TRDN: variants seen among roughly 807,000 people sequenced by gnomAD.
TRDN encodes the protein triadin.
TRDN carries 161 observed loss-of-function variants against 149.7 expected under a neutral mutation model. That is an observed-to-expected ratio of 1.08 (90% CI 0.95 to 1.23). TRDN has a LOEUF of 1.23. Ranked by LOEUF, TRDN falls within the 50% of genes most tolerant of loss-of-function variation. The pLI, the probability that TRDN is intolerant of heterozygous loss-of-function variation, is 0.00. For missense variants in TRDN, 896 were observed against 823.5 expected (o/e 1.09, Z -1.08); for synonymous variants, 294 against 250.5 (o/e 1.17, Z -1.64).
intron 20 of TRDN, among the ~76,000 whole-genome samples, chr6:123,362,079 T>C (rs1780929835): frequency 6.6e-6 from 1 of 152,184 alleles, no homozygotes. Context: ...ATTAAGAATA[T>C]TAACAATATT....
intron 20 of TRDN, among the ~76,000 whole-genome samples, chr6:123,358,634 T>TTTTTGTTTTG (rs1469728921): frequency 4.1e-5 from 1 of 24,172 alleles, no homozygotes; most frequent in Non-Finnish European, 7.6e-5. Context: ...CTGGCTAATT[T>TTTTTGTTTTG]TTTTGTATTG....
In TRDN at chr6:123,591,232, T is replaced by C. The variant is rs565495138; in HGVS notation, c.23-20100A>G. ...TGTATTAACATATCATTATATTTGT[T>C]TTACCTGAACCCAAATATTTTTTTT... On this transcript the variant is annotated intron_variant, in intron 1 of 40. Transcript: ENST00000334268. Among the ~76,000 whole-genome samples the C allele has an allele frequency of 4.7e-4, 72 of 152,160 alleles. 1 individual carries two copies. Among genetic ancestry groups the C allele is most frequent in the Non-Finnish European group, 9.3e-4 (63 of 68,040 alleles).
At chr6:123,555,625 T>G (rs1454178193) in intron 2 of TRDN, among the ~76,000 whole-genome samples, 1 of 152,204 alleles carries the variant, frequency 6.6e-6, no homozygotes, top group Non-Finnish European at 1.5e-5. Context: ...ACTTTTGTTG[T>G]AACCAAAATA....
At chr6:123,408,285 A>G (rs896278312) in intron 12 of TRDN, among the ~76,000 whole-genome samples, 1 of 152,212 alleles carries the variant, frequency 6.6e-6, no homozygotes, top group African/African-American at 2.4e-5. Flanking sequence ...ATCTCACTAT[A>G]CATGGTACTA....
At chr6:123,232,884 G>A (rs376923389) in intron 38 of TRDN, among the ~76,000 whole-genome samples, 2 of 151,802 alleles carry the variant, frequency 1.3e-5, no homozygotes, top group Non-Finnish European at 2.9e-5. Flanking sequence ...ATAAATCAAA[G>A]CCCCCTAAAT....
At chr6:123,328,528 C>T (rs2114721478) in intron 23 of TRDN, among the ~76,000 whole-genome samples, 1 of 152,106 alleles carries the variant, frequency 6.6e-6, no homozygotes, top group South Asian at 2.1e-4. Context: ...TGATTCCTTC[C>T]TCTCGCACCA....
chr6:123,582,143 G>C (rs1227607907), intron 1 of TRDN, among the ~76,000 whole-genome samples: 2 of 152,130 alleles, frequency 1.3e-5, no homozygotes, highest in East Asian at 3.9e-4. Flanking sequence ...CCTATACATT[G>C]GTTCAGTTCA....
chr6:123,372,295 T>A (rs1370643294), intron 19 of TRDN, among the ~76,000 whole-genome samples: 5 of 152,098 alleles, frequency 3.3e-5, no homozygotes. Context: ...TCCTAAATGA[T>A]CTTGACATAT....
chr6:123,472,607 G>A (rs1777234671), intron 9 of TRDN, among the ~76,000 whole-genome samples: 1 of 152,244 alleles, frequency 6.6e-6, no homozygotes, highest in African/African-American at 2.4e-5. Flanking sequence ...GACTGCCTCT[G>A]TAGGCTCCAC....
intron 10 of TRDN, among the ~76,000 whole-genome samples, chr6:123,454,114 C>A (rs1775959014): frequency 6.6e-6 from 1 of 151,768 alleles, no homozygotes; most frequent in Non-Finnish European, 1.5e-5. Context: ...ATACAATGAA[C>A]TTTGCGGACT....
intron 5 of TRDN, among the ~76,000 whole-genome samples, chr6:123,523,858 G>A (rs1030366312): frequency 6.6e-6 from 1 of 152,120 alleles, no homozygotes; most frequent in Non-Finnish European, 1.5e-5. Flanking sequence ...GGAGACTGTC[G>A]TAAACAGAGG....
At chr6:123,320,027 A>G (rs1441895822) in intron 23 of TRDN, among the ~76,000 whole-genome samples, 15 of 152,098 alleles carry the variant, frequency 9.9e-5, no homozygotes, top group Admixed American at 9.9e-4. Context: ...ATAAAAAGAA[A>G]AGAAATAAAT....
chr6:123,388,151 G>T (rs1275038225), intron 14 of TRDN, among the ~76,000 whole-genome samples: 1 of 151,816 alleles, frequency 6.6e-6, no homozygotes, highest in African/African-American at 2.4e-5. Flanking sequence ...CTGTGAAATT[G>T]AAACTTGACT....
At chr6:123,339,217 C>G (rs1355236588) in intron 21 of TRDN, among the ~76,000 whole-genome samples, 1 of 151,986 alleles carries the variant, frequency 6.6e-6, no homozygotes, top group Non-Finnish European at 1.5e-5. Context: ...ACTAGCCAGG[C>G]TGGTCTCGAA....
At chr6:123,301,307 G>A (rs1050062718) in intron 24 of TRDN, among the ~76,000 whole-genome samples, 1 of 151,916 alleles carries the variant, frequency 6.6e-6, no homozygotes, top group Non-Finnish European at 1.5e-5. Flanking sequence ...AGGTTAAATT[G>A]AAGTAAAAGA....
At chr6:123,342,488 C>T (rs779233418) in intron 21 of TRDN, among the ~76,000 whole-genome samples, 6 of 151,758 alleles carry the variant, frequency 4.0e-5, no homozygotes, top group Non-Finnish European at 7.4e-5. Flanking sequence ...GGGCAGGGCT[C>T]AAGGAAATTC....
chr6:123,560,031 T>G (rs905469309), intron 2 of TRDN, among the ~76,000 whole-genome samples: 4 of 152,214 alleles, frequency 2.6e-5, no homozygotes, highest in Non-Finnish European at 5.9e-5. Flanking sequence ...CTAGTCAGAA[T>G]TCTTACACAA....
intron 26 of TRDN, among the ~76,000 whole-genome samples, chr6:123,275,998 G>T (rs575939368): frequency 6.6e-6 from 1 of 152,226 alleles, no homozygotes; most frequent in East Asian, 1.9e-4. Flanking sequence ...GTGTCCTTCA[G>T]AGAGAAGGAA....
At chr6:123,498,648 A>G (rs550831557) in intron 8 of TRDN, 2 of 470,026 alleles carry the variant, frequency 4.3e-6, no homozygotes, top group African/African-American at 4.0e-5. Flanking sequence ...TGGGAACCCT[A>G]TGATTGGGAA....
Sources: allele counts gnomAD v4.1 joint callset (sites outside exome capture counted in the v4.1 genomes callset), GRCh38; gene constraint gnomAD v4.1.1; transcripts MANE v1.5; gene names NCBI Gene and HGNC (gene_info 2026-07-23, HGNC 2026-07-21).